GRIK4: variants seen among roughly 807,000 people sequenced by gnomAD.
The protein encoded by GRIK4 is glutamate ionotropic receptor kainate type subunit 4.
A neutral mutation model predicts 104.9 loss-of-function variants in GRIK4; 40 were observed. That is an observed-to-expected ratio of 0.38 (90% confidence interval 0.30 to 0.50). GRIK4 has a LOEUF of 0.50. Among genes scored for constraint, GRIK4 ranks in the 20% least tolerant of loss-of-function variants. The pLI, the probability that GRIK4 is intolerant of heterozygous loss-of-function variation, is 0.93. For missense variants in GRIK4, 1,047 were observed against 1,308.1 expected, an observed-to-expected ratio of 0.80 and a Z score of 3.08; for synonymous variants, 485 against 524.9, an observed-to-expected ratio of 0.92 and a Z score of 1.04.
At chr11:120,628,506 C>T (rs910851808) in intron 1 of GRIK4, among the ~76,000 whole-genome samples, 2 of 152,132 alleles carry the variant, frequency 1.3e-5, no homozygotes, top group African/African-American at 4.8e-5. Context: ...TTGTAGATCC[C>T]CTGAAGCCAG....
intron 14 of GRIK4, among the ~76,000 whole-genome samples, chr11:120,941,317 G>C (rs1418016337): frequency 6.6e-6 from 1 of 152,098 alleles, no homozygotes; most frequent in Non-Finnish European, 1.5e-5. Flanking sequence ...CCTGTACCTC[G>C]AGGCTGCCCA....
At chr11:120,644,071 A>G (rs1342660742) in intron 1 of GRIK4, among the ~76,000 whole-genome samples, 1 of 147,886 alleles carries the variant, frequency 6.8e-6, no homozygotes, top group African/African-American at 2.6e-5. Flanking sequence ...AGAGAGAGAG[A>G]GAGAGAGAGA....
At chr11:120,828,373 A>G (rs997727958) in intron 6 of GRIK4, among the ~76,000 whole-genome samples, 5 of 152,300 alleles carry the variant, frequency 3.3e-5, no homozygotes, top group African/African-American at 9.6e-5. Flanking sequence ...ATCCTGTAAG[A>G]GGTGGGAGAC....
intron 1 of GRIK4, among the ~76,000 whole-genome samples, chr11:120,563,923 A>C (rs1015434705): frequency 3.3e-5 from 5 of 152,086 alleles, no homozygotes; most frequent in African/African-American, 1.2e-4. Context: ...CTCTCCAGTG[A>C]CACTCCAGGC....
intron 3 of GRIK4, among the ~76,000 whole-genome samples, chr11:120,796,749 C>T (rs1019571920): frequency 1.3e-5 from 2 of 151,854 alleles, no homozygotes; most frequent in African/African-American, 4.8e-5. Flanking sequence ...CAGAAGGGGC[C>T]TGAGGCCATG....
chr11:120,812,653 C>T (rs1029824574), intron 4 of GRIK4, among the ~76,000 whole-genome samples: 2 of 152,158 alleles, frequency 1.3e-5, no homozygotes, highest in African/African-American at 2.4e-5. Flanking sequence ...CTCAAGGTCT[C>T]GAAACTAGTA....
intron 3 of GRIK4, among the ~76,000 whole-genome samples, chr11:120,685,806 G>A (rs1950266288): frequency 6.6e-6 from 1 of 152,022 alleles, no homozygotes; most frequent in Admixed American, 6.6e-5. Flanking sequence ...TTCTCTTATT[G>A]CTAACAACTC....
At chr11:120,639,374 C>T (rs959728412) in intron 1 of GRIK4, among the ~76,000 whole-genome samples, 2 of 152,160 alleles carry the variant, frequency 1.3e-5, no homozygotes, top group African/African-American at 2.4e-5. Flanking sequence ...GGGAGAATCC[C>T]CGGGGCCTGC....
At chr11:120,938,140 C>A (rs996443092) in intron 13 of GRIK4, among the ~76,000 whole-genome samples, 1 of 152,098 alleles carries the variant, frequency 6.6e-6, no homozygotes, top group East Asian at 1.9e-4. Context: ...CAATTTGGTT[C>A]ATTTCTGTTA....
intron 8 of GRIK4, among the ~76,000 whole-genome samples, chr11:120,852,580 C>A (rs907884116): frequency 3.3e-5 from 5 of 152,100 alleles, no homozygotes; most frequent in Admixed American, 6.5e-5. Flanking sequence ...GAATCCAAAG[C>A]TGGGAGATTT....
At chr11:120,718,351 T>C (rs1436842496) in intron 3 of GRIK4, among the ~76,000 whole-genome samples, 1 of 152,194 alleles carries the variant, frequency 6.6e-6, no homozygotes, top group Non-Finnish European at 1.5e-5. Context: ...CGTCTCTGAG[T>C]CATGGAGGCA....
chr11:120,900,732 T>C (rs1592059137), intron 12 of GRIK4, among the ~76,000 whole-genome samples: 1 of 151,448 alleles, frequency 6.6e-6, no homozygotes, highest in Admixed American at 6.6e-5. Context: ...GGGGGAGGGG[T>C]ATTCTTGGCA....
rs116196365 is a variant in GRIK4, at chr11:120,978,380, G to C, written c.2396-3726G>C. Among the ~76,000 whole-genome samples the C allele has an allele frequency of 4.4e-3, 672 of 152,278 alleles. 2 individuals carry two copies. Among genetic ancestry groups the C allele is most frequent in the African/African-American group, 0.015 (642 of 41,538 alleles). ...CCTCCGAGCTAAGTCTTAAAGCAAA[G>C]GTTAAGGTTAGCCAGATGTGTGTCT... On this transcript the variant is annotated intron_variant, in intron 19 of 20. Transcript: ENST00000527524.
rs918907367 is a variant in GRIK4 at position 120,673,816 on chromosome 11, A to C, written c.82+13416A>C. Among the ~76,000 whole-genome samples the C allele has an allele frequency of 3.3e-5, 5 of 152,254 alleles. No homozygotes were observed. The South Asian group carries it at 1.0e-3, about 32-fold the overall frequency. On this transcript the variant is annotated intron_variant, in intron 3 of 20. Transcript: ENST00000527524. ...CTTTCCTGAAACTGCCATTGTTGGT[A>C]GTTTCAGGAAACTGGGGGAGCCTTG... is the stretch of plus-strand genomic sequence containing the variant.
intron 6 of GRIK4, among the ~76,000 whole-genome samples, chr11:120,821,847 C>T (rs1031882806): frequency 3.3e-5 from 5 of 152,196 alleles, no homozygotes; most frequent in African/African-American, 9.7e-5. Flanking sequence ...GAGAGCAACA[C>T]GCAGCCTCTG....
At chr11:120,901,623 T>C (rs1565427400) in intron 12 of GRIK4, among the ~76,000 whole-genome samples, 1 of 152,140 alleles carries the variant, frequency 6.6e-6, no homozygotes, top group Non-Finnish European at 1.5e-5. Flanking sequence ...AGGAGCTCAA[T>C]AATTAGAATC....
rs748054278 is a variant in GRIK4 at position 120,905,380 on chromosome 11, C to T, written c.1363C>T (p.Leu455=). 5 of 1,614,006 alleles carry T rather than the reference C, an allele frequency of 3.1e-6. No individual in the cohort carries two copies. Among genetic ancestry groups the T allele is most frequent in the Admixed American group, 1.7e-5 (1 of 60,026 alleles). The change falls in exon 13 of 21, where the codon CTG becomes TTG. Residue 455 remains leucine, a synonymous_variant. Coordinates refer to ENST00000527524, the MANE Select transcript of GRIK4 (RefSeq NM_014619.5). The surrounding 1 kb of genome is among the most constrained non-coding windows in gnomAD (Gnocchi z 5.1). ...EGFCVDMLKE[L]AEILRFNYKI... The stretch of plus-strand genomic sequence containing the variant: ...CTTCTGTGTGGACATGCTCAAGGAG[C>T]TGGCAGAGATCCTCCGATTCAACTA...
intron 1 of GRIK4, among the ~76,000 whole-genome samples, chr11:120,621,469 A>G (rs1412939888): frequency 1.3e-5 from 2 of 152,220 alleles, no homozygotes; most frequent in African/African-American, 4.8e-5. Context: ...CTTGCAGCTA[A>G]GGGATTTTCT....
chr11:120,947,271 A>G (rs1377886916), intron 14 of GRIK4, among the ~76,000 whole-genome samples: 3 of 152,090 alleles, frequency 2.0e-5, no homozygotes, highest in Non-Finnish European at 4.4e-5. Flanking sequence ...GCATGGTGGC[A>G]CACGCCTGTA....
Sources: allele counts gnomAD v4.1 joint callset (sites outside exome capture counted in the v4.1 genomes callset), GRCh38; gene constraint gnomAD v4.1.1; non-coding constraint Gnocchi (gnomAD v3.1); transcripts MANE v1.5; gene names NCBI Gene and HGNC (gene_info 2026-07-23, HGNC 2026-07-21).